Variants in INHBA observed in about 807,000 individuals in gnomAD.
INHBA encodes inhibin subunit beta A, also known as inhibin beta A chain.
INHBA carries 1 observed loss-of-function variant against 29.0 expected under a neutral mutation model. The observed-to-expected ratio is 0.03, with a 90% confidence interval of 0.01 to 0.16. The LOEUF is 0.16. INHBA is among the 10% of genes least tolerant of loss of function. The probability of loss-of-function intolerance (pLI) is 1.00; values close to 1 mark genes in which losing one functional copy is unlikely to be tolerated. For missense variants in INHBA, 376 were observed against 545.4 expected, an observed-to-expected ratio of 0.69 and a Z score of 3.09; for synonymous variants, 242 against 216.8, an observed-to-expected ratio of 1.12 and a Z score of -1.02.
At chr7:41,695,669 G>C (rs766439413) in intron 2 of INHBA, among the ~76,000 whole-genome samples, 8 of 152,180 alleles carry the variant, frequency 5.3e-5, no homozygotes, top group Non-Finnish European at 7.3e-5. Context: ...TTCCATTAAA[G>C]TGGTGATGAA....
rs992182509 is a variant in INHBA, at chr7:41,686,065, T to C, written c.*3585A>G. On this transcript the variant is annotated 3_prime_UTR_variant, in exon 3 of 3. Coordinates refer to ENST00000242208, the MANE Select transcript of INHBA (RefSeq NM_002192.4). Reference sequence around the variant, plus strand: ...CACCTCTTAAAGTCCAATCCCACAATGGTGAAAAAAAAATAGAAAGTATTT... The same window carrying C: ...CACCTCTTAAAGTCCAATCCCACAACGGTGAAAAAAAAATAGAAAGTATTT... The C allele has an allele frequency of 1.3e-5, 2 of 151,742 alleles. No homozygotes were observed. The highest frequency in any genetic ancestry group is 3.9e-4 in the East Asian group (2 of 5,178). 9.4% of individuals were successfully genotyped at this position (151,742 alleles called of 1,614,324 possible).
Position 41,685,450 on chromosome 7 carries a change from GCAAAACAAAA to G in INHBA, c.*4190_*4199del, listed in dbSNP as rs951773949. On this transcript the variant is annotated 3_prime_UTR_variant, in exon 3 of 3. Transcript: ENST00000242208. ...TTGGTTAAAGAACTGCATGTAGTAT[GCAAAACAAAA>G]CAAAACAAAACAAAAAACAAAGTAA... The G allele has an allele frequency of 1.3e-5, 2 of 152,000 alleles. No homozygotes were observed. Among genetic ancestry groups the G allele is most frequent in the East Asian group, 1.9e-4 (1 of 5,174 alleles). 9.4% of individuals were successfully genotyped at this position (152,000 alleles called of 1,614,324 possible). A position where few individuals can be genotyped will look rare whatever the true frequency, so the allele number is the denominator to read the frequency against.
At chr7:41,690,775 T>C (rs1317287991) in intron 2 of INHBA, among the ~76,000 whole-genome samples, 2 of 152,216 alleles carry the variant, frequency 1.3e-5, no homozygotes, top group East Asian at 3.9e-4. Flanking sequence ...ATGTGAAAAT[T>C]ACCTGAAATT....
rs1183325129 is a variant in INHBA, at chr7:41,688,855, T to C, written c.*795A>G. The C allele has an allele frequency of 4.5e-6, 1 of 224,264 alleles. No homozygotes were observed. The highest frequency in any genetic ancestry group is 8.9e-6 in the Non-Finnish European group (1 of 112,532). The allele number at this position is 224,264 out of a possible 1,614,324, so 13.9% of individuals were successfully genotyped here. A position where few individuals can be genotyped will look rare whatever the true frequency, so the allele number is the denominator to read the frequency against. ...TCCAATACAAAAAAGTCTCTCTTTT[T>C]GTTCTCTCTCAGGTAAACAGTTTCA... On this transcript the variant is annotated 3_prime_UTR_variant, in exon 3 of 3. Coordinates refer to ENST00000242208, the MANE Select transcript of INHBA (RefSeq NM_002192.4).
At chr7:41,697,949 A>T (rs956051909) in intron 2 of INHBA, among the ~76,000 whole-genome samples, 8 of 152,212 alleles carry the variant, frequency 5.3e-5, no homozygotes, top group African/African-American at 1.9e-4. Context: ...AAGCAATTGT[A>T]ATAAGTGTTT....
chr7:41,699,210 G>C (rs1357200052), intron 2 of INHBA, among the ~76,000 whole-genome samples: 1 of 152,210 alleles, frequency 6.6e-6, no homozygotes, highest in African/African-American at 2.4e-5. Context: ...CGTAGTATCT[G>C]AGAGTACTTT....
intron 1 of INHBA, among the ~76,000 whole-genome samples, chr7:41,701,886 A>G (rs2128671918): frequency 6.6e-6 from 1 of 152,340 alleles, no homozygotes; most frequent in Non-Finnish European, 1.5e-5. Flanking sequence ...TCAAAGGAAC[A>G]GTGCAGATGA....
At chr7:41,693,034 C>T (rs1014838880) in intron 2 of INHBA, among the ~76,000 whole-genome samples, 1 of 152,150 alleles carries the variant, frequency 6.6e-6, no homozygotes, top group South Asian at 2.1e-4. Flanking sequence ...ATCTGCCTTG[C>T]CCCATAGAGA....
chr7:41,704,284 G>T (rs1782384374), upstream of INHBA, among the ~76,000 whole-genome samples: 1 of 152,096 alleles, frequency 6.6e-6, no homozygotes, highest in African/African-American at 2.4e-5. Context: ...CAGAGAAAGT[G>T]TGGGTGCTGA....
intron 2 of INHBA, 119 bp from the exon 3 acceptor site, chr7:41,690,661 T>G: frequency 7.7e-7 from 1 of 1,291,824 alleles, no homozygotes; most frequent in Non-Finnish European, 1.0e-6. Flanking sequence ...TGAATAGGGG[T>G]CAACAAATGA....
chr7:41,705,321 C>T (rs753233149), upstream of INHBA: 4 of 152,396 alleles, frequency 2.6e-5, no homozygotes, highest in African/African-American at 7.2e-5. Flanking sequence ...AGGGATCACG[C>T]CGGAACGCGG....
Position 41,700,044 on chromosome 7 carries a change from C to T in INHBA, c.331G>A (p.Ala111Thr). 6.3e-7 allele frequency: 1 copy of T among 1,594,786 alleles called. No individual in the cohort carries two copies. The highest frequency in any genetic ancestry group is 8.5e-7 in the Non-Finnish European group (1 of 1,169,596). The part of the protein sequence containing the change: ...VEIEDDIGRR[A>T]EMNELMEQTS... ...TGCTCCATAAGTTCATTCATTTCTG[C>T]CCTCCTTCCAATGTCATCCTCTATC... Residue 111 changes from alanine to threonine, a missense_variant, in exon 2 of 3, where the codon GCA (alanine) becomes ACA (threonine). Ala to Thr is a moderately conservative substitution (Grantham distance 58). This residue lies in a region of INHBA where 253 missense variants were observed against 313.4 expected (regional missense o/e 0.81). Coordinates refer to ENST00000242208, the MANE Select transcript of INHBA (RefSeq NM_002192.4).
Position 41,686,811 on chromosome 7 carries a change from C to T in INHBA, c.*2839G>A, listed in dbSNP as rs1794402255. 6.6e-6 allele frequency: 1 copy of T among 152,200 alleles called. No homozygotes were observed. Among genetic ancestry groups the T allele is most frequent in the East Asian group, 1.9e-4 (1 of 5,200 alleles). The allele number at this position is 152,200 out of a possible 1,614,324, so 9.4% of individuals were successfully genotyped here. On this transcript the variant is annotated 3_prime_UTR_variant, in exon 3 of 3. Transcript: ENST00000242208. ...GTATTTGAGATGAGTGGGAACTATA[C>T]ATGGGTATCAGCTTTCTTGGTAAAT...
At chr7:41,694,655 AT>A (rs1046275748) in intron 2 of INHBA, among the ~76,000 whole-genome samples, 1 of 151,988 alleles carries the variant, frequency 6.6e-6, no homozygotes, top group African/African-American at 2.4e-5. Flanking sequence ...CCTCTGTGCT[AT>A]TTTTTCCCTC....
At position 41,690,549 on chromosome 7, in the gene INHBA, A is replaced by G; in HGVS notation, c.389-7T>C. 1 of 1,581,428 alleles carries G rather than the reference A, an allele frequency of 6.3e-7. No individual in the cohort carries two copies. The highest frequency in any genetic ancestry group is 8.6e-7 in the Non-Finnish European group (1 of 1,167,484). On this transcript the variant is annotated splice_region_variant and splice_polypyrimidine_tract_variant and intron_variant, in intron 2 of 2. Transcript: ENST00000242208. ...AGCGTCTTCCTGGCTGTTCCTGAAG[A>G]TGAAAGACAGCATAAGAGAAAACAG...
chr7:41,694,591 G>A (rs1166356739), intron 2 of INHBA, among the ~76,000 whole-genome samples: 1 of 152,206 alleles, frequency 6.6e-6, no homozygotes, highest in African/African-American at 2.4e-5. Flanking sequence ...ACCAGATATA[G>A]CTGGTTGCTT....
rs1444488232 is a variant in INHBA, at chr7:41,689,053, A to G, written c.*597T>C. The G allele has an allele frequency of 4.3e-6, 1 of 233,104 alleles. No homozygotes were observed. Among genetic ancestry groups the G allele is most frequent in the African/African-American group, 2.2e-5 (1 of 45,142 alleles). 14.4% of individuals were successfully genotyped at this position (233,104 alleles called of 1,614,324 possible). A position where few individuals can be genotyped will look rare whatever the true frequency, so the allele number is the denominator to read the frequency against. On this transcript the variant is annotated 3_prime_UTR_variant, in exon 3 of 3. Transcript: ENST00000242208. The stretch of plus-strand genomic sequence containing the variant: ...AAAAAGGAAGTGTGACCACCTGCAC[A>G]CGATTGTTCTTTTACCAGTATGTGT...
rs1794739383 is a variant in INHBA, at chr7:41,699,974, T to G, written c.388+13A>C. 4.6e-6 allele frequency: 3 copies of G among 658,382 alleles called. No homozygotes were observed. The highest frequency in any genetic ancestry group is 9.4e-5 in the East Asian group (1 of 10,606). The allele number at this position is 658,382 out of a possible 1,614,324, so 40.8% of individuals were successfully genotyped here. On this transcript the variant is annotated intron_variant, in intron 2 of 2. Coordinates refer to ENST00000242208, the MANE Select transcript of INHBA (RefSeq NM_002192.4). ...CCCACCCCTCCCCACCCCCTGCCAA[T>G]GCCAGCACCAACCTGACTCGGCAAA...
At position 41,690,274 on chromosome 7, in the gene INHBA, A is replaced by G. The variant is rs1348405308; in HGVS notation, c.657T>C (p.His219=). The G allele has an allele frequency of 3.7e-6, 6 of 1,613,986 alleles. No homozygotes were observed. The highest frequency in any genetic ancestry group is 5.1e-6 in the Non-Finnish European group (6 of 1,179,998). Reference sequence around the variant, plus strand: ...GGATGCTGCTGGAGACAGGGAAGACATGCCAGGTGCTCTTCCGAGCGTCTA... The same window carrying G: ...GGATGCTGCTGGAGACAGGGAAGACGTGCCAGGTGCTCTTCCGAGCGTCTA... ...KVVDARKSTW[H]VFPVSSSIQR... is the part of the protein sequence containing the mutation. The change falls in exon 3 of 3, where the codon CAT becomes CAC. Residue 219 remains histidine, a synonymous_variant. Coordinates refer to ENST00000242208, the MANE Select transcript of INHBA (RefSeq NM_002192.4).
Sources: allele counts gnomAD v4.1 joint callset (sites outside exome capture counted in the v4.1 genomes callset), GRCh38; gene constraint gnomAD v4.1.1; regional missense constraint gnomAD v4.1.1; transcripts MANE v1.5; gene names NCBI Gene and HGNC (gene_info 2026-07-23, HGNC 2026-07-21).